EYA2: variants seen among roughly 807,000 people sequenced by gnomAD.
EYA2 encodes protein phosphatase EYA2.
Under a neutral mutation model 69.2 loss-of-function variants are expected in EYA2, and 31 were observed. The ratio of observed to expected loss-of-function variants is 0.45; its 90% CI spans 0.34 to 0.60. The LOEUF is 0.60. Ranked by LOEUF, EYA2 falls within the 20% of genes least tolerant of loss-of-function variation. The pLI is 0.02. For synonymous variants in EYA2, 257 were observed against 279.4 expected (o/e 0.92, Z 0.80); for missense variants, 622 against 701.2 (o/e 0.89, Z 1.28).
At chr20:47,065,822 G>A (rs1457558031) in intron 5 of EYA2, among the ~76,000 whole-genome samples, 1 of 152,146 alleles carries the variant, frequency 6.6e-6, no homozygotes, top group Non-Finnish European at 1.5e-5. Flanking sequence ...GTAGTGCTGT[G>A]CAGAAGCATC....
At chr20:47,127,420 A>G (rs2033221750) in intron 9 of EYA2, among the ~76,000 whole-genome samples, 1 of 152,216 alleles carries the variant, frequency 6.6e-6, no homozygotes, top group Admixed American at 6.5e-5. Context: ...CCTGGCCAAC[A>G]TGGTGAAATC....
In EYA2 at chr20:46,902,854, G is replaced by A. The variant is rs139379673; in HGVS notation, c.-11+7867G>A. On this transcript the variant is annotated intron_variant, in intron 1 of 15. Coordinates refer to ENST00000327619, the MANE Select transcript of EYA2 (RefSeq NM_005244.5). ...CCTATAACCGCAGGGTTGAACAGCC[G>A]TACTACAAAGACCATACGGCCTGCA... Among the ~76,000 whole-genome samples, 23 of 152,250 alleles carry A rather than the reference G, an allele frequency of 1.5e-4. 1 individual carries two copies. Among genetic ancestry groups the A allele is most frequent in the Middle Eastern group, 3.4e-3 (1 of 294 alleles).
intron 9 of EYA2, among the ~76,000 whole-genome samples, chr20:47,142,673 C>T (rs2033621083): frequency 1.3e-5 from 2 of 152,210 alleles, no homozygotes; most frequent in Non-Finnish European, 1.5e-5. Flanking sequence ...TGAAATCTTC[C>T]AGACCTCCCT....
chr20:47,031,940 A>G (rs1984442875), intron 5 of EYA2, among the ~76,000 whole-genome samples: 2 of 152,248 alleles, frequency 1.3e-5, no homozygotes, highest in Non-Finnish European at 2.9e-5. Flanking sequence ...TGCCCTGCTA[A>G]TTCCTTAGAG....
rs1980907537 is a variant in EYA2, at chr20:46,982,609, T to C, written c.-10-7392T>C. The stretch of plus-strand genomic sequence containing the variant: ...CTAGATCTTTTACCATGTACCATGT[T>C]TCTTTTATGCTCTTTTAAACCTGTT... On this transcript the variant is annotated intron_variant, in intron 1 of 15. Transcript: ENST00000327619. Among the ~76,000 whole-genome samples, 4 of 152,188 alleles carry C rather than the reference T, an allele frequency of 2.6e-5. No homozygotes were observed. In the South Asian group the frequency reaches 8.3e-4, roughly 32 times the overall value.
At chr20:46,936,852 T>G (rs576222696) in intron 1 of EYA2, among the ~76,000 whole-genome samples, 140 of 152,298 alleles carry the variant, frequency 9.2e-4, no homozygotes, top group African/African-American at 3.3e-3. Context: ...GGATTTCTTT[T>G]CTGCCTCATG....
chr20:47,145,751 A>G (rs925008581), intron 10 of EYA2, among the ~76,000 whole-genome samples: 13 of 151,918 alleles, frequency 8.6e-5, no homozygotes, highest in African/African-American at 3.1e-4. Flanking sequence ...ATACAAAAAT[A>G]TTAGCCAGGT....
chr20:47,178,481 G>T (rs1310197289), intron 12 of EYA2, among the ~76,000 whole-genome samples: 1 of 96,484 alleles, frequency 1.0e-5, no homozygotes, highest in Non-Finnish European at 1.9e-5. Context: ...GTGTTTCAGG[G>T]AACAAACGAG....
At chr20:47,146,718 G>A (rs1293509991) in intron 10 of EYA2, among the ~76,000 whole-genome samples, 1 of 152,176 alleles carries the variant, frequency 6.6e-6, no homozygotes, top group Admixed American at 6.5e-5. Context: ...CGTGCTCAAG[G>A]CCCGGCAAAG....
At chr20:47,146,215 A>T (rs568477166) in intron 10 of EYA2, among the ~76,000 whole-genome samples, 1 of 152,294 alleles carries the variant, frequency 6.6e-6, no homozygotes, top group Non-Finnish European at 1.5e-5. Flanking sequence ...GTGGGGTTTG[A>T]GATGTCTGAG....
intron 14 of EYA2, among the ~76,000 whole-genome samples, chr20:47,181,504 G>A (rs2034537484): frequency 6.6e-6 from 1 of 152,060 alleles, no homozygotes; most frequent in African/African-American, 2.4e-5. Context: ...TAGCTGCCAG[G>A]GAAGCTGGGA....
At chr20:46,896,539 C>T (rs531765198) in intron 1 of EYA2, among the ~76,000 whole-genome samples, 3 of 152,312 alleles carry the variant, frequency 2.0e-5, no homozygotes, top group East Asian at 3.9e-4. Context: ...TTCTTCATCA[C>T]CTTAAGCCCC....
chr20:46,959,651 C>G (rs201165729), intron 1 of EYA2, among the ~76,000 whole-genome samples: 2 of 82,458 alleles, frequency 2.4e-5, no homozygotes, highest in South Asian at 7.2e-4. Flanking sequence ...TGCACGCACA[C>G]GCACGCACAC....
At chr20:47,181,554 T>C (rs1347383088) in intron 14 of EYA2, among the ~76,000 whole-genome samples, 1 of 152,088 alleles carries the variant, frequency 6.6e-6, no homozygotes, top group Non-Finnish European at 1.5e-5. Context: ...TGTCACTCAA[T>C]CTGGAATGCA....
Position 46,906,233 on chromosome 20 carries a change from C to T in EYA2, c.-11+11246C>T, listed in dbSNP as rs147075121. Among the ~76,000 whole-genome samples the T allele has an allele frequency of 1.5e-4, 23 of 152,336 alleles. No individual in the cohort carries two copies. The East Asian group carries it at 4.2e-3, about 28-fold the overall frequency. On this transcript the variant is annotated intron_variant, in intron 1 of 15. Coordinates refer to ENST00000327619, the MANE Select transcript of EYA2 (RefSeq NM_005244.5). ...AGTGGCACACAGCCATGGCAGAGTTCATGAGGGAAGTTTCAGAAACACGAA... is the reference window on the plus strand; with the variant it reads ...AGTGGCACACAGCCATGGCAGAGTTTATGAGGGAAGTTTCAGAAACACGAA...
At chr20:47,089,181 CAGG>C (rs1482473678) in intron 7 of EYA2, 55 bp from the exon 8 acceptor site, 10 of 1,591,704 alleles carry the variant, frequency 6.3e-6, no homozygotes, top group Non-Finnish European at 6.9e-6. Flanking sequence ...GGATATTTCC[CAGG>C]AGGAGACACC....
intron 1 of EYA2, among the ~76,000 whole-genome samples, chr20:46,947,477 T>G (rs1412955700): frequency 6.6e-6 from 1 of 152,196 alleles, no homozygotes; most frequent in Admixed American, 6.5e-5. Context: ...GAAACAATGC[T>G]TGCCTTACTA....
intron 2 of EYA2, among the ~76,000 whole-genome samples, chr20:46,994,274 T>C (rs935186222): frequency 1.3e-5 from 2 of 152,350 alleles, no homozygotes; most frequent in East Asian, 1.9e-4. Flanking sequence ...CCTGGTTTGT[T>C]TGTAGGAACC....
At chr20:47,186,655 G>A (rs1045291471) in intron 15 of EYA2, among the ~76,000 whole-genome samples, 4 of 151,880 alleles carry the variant, frequency 2.6e-5, no homozygotes, top group Admixed American at 6.6e-5. Flanking sequence ...CACCACGCCC[G>A]GCCTCCTCAT....
Sources: gnomAD v4.1 joint callset for allele counts (sites outside exome capture counted in the v4.1 genomes callset) on GRCh38, gnomAD v4.1.1 for gene constraint, MANE v1.5 for transcripts, NCBI Gene and HGNC (gene_info 2026-07-23, HGNC 2026-07-21) for gene names.